RPS6KA1: variants seen among roughly 807,000 people sequenced by gnomAD.
The protein encoded by RPS6KA1 is ribosomal protein S6 kinase alpha-1.
A neutral mutation model predicts 91.3 loss-of-function variants in RPS6KA1; 48 were observed. That is an observed-to-expected ratio of 0.53 (90% CI 0.42 to 0.67). The LOEUF (loss-of-function observed/expected upper bound fraction) is 0.67. Among genes scored for constraint, RPS6KA1 ranks in the 30% least tolerant of loss-of-function variants. RPS6KA1 has a pLI of 0.00. For missense variants in RPS6KA1, 719 were observed against 960.5 expected, an observed-to-expected ratio of 0.75 and a Z score of 3.32; for synonymous variants, 359 against 384.7, an observed-to-expected ratio of 0.93 and a Z score of 0.78.
At chr1:26,533,845 C>T (rs147410395) in intron 1 of RPS6KA1, among the ~76,000 whole-genome samples, 2,789 of 152,266 alleles carry the variant, frequency 0.018, 37 homozygotes, top group Non-Finnish European at 0.029. Context: ...AGCAGTCAGG[C>T]CAGAGGGGCA....
At chr1:26,542,364 G>A (rs2124621507) in intron 2 of RPS6KA1, among the ~76,000 whole-genome samples, 1 of 152,360 alleles carries the variant, frequency 6.6e-6, no homozygotes, top group Middle Eastern at 3.4e-3. Flanking sequence ...ACTCTGCAAG[G>A]ACAGGGAAGG....
Position 26,554,775 on chromosome 1 carries a change from G to A in RPS6KA1, c.756+37G>A. ...GACAGGGGTAAAGGATCCAGCCCAA[G>A]CCTCTGGCCTCAGTCTCCCTATCTG... On this transcript the variant is annotated intron_variant, in intron 9 of 21. Coordinates refer to ENST00000374168, the MANE Select transcript of RPS6KA1 (RefSeq NM_002953.4). This position sits in a 1 kb window ranked among gnomAD's most constrained non-coding sequence, Gnocchi z 4.6. 3 of 1,567,568 alleles carry A rather than the reference G, an allele frequency of 1.9e-6. No individual in the cohort carries two copies. The highest frequency in any genetic ancestry group is 2.6e-6 in the Non-Finnish European group (3 of 1,150,916).
chr1:26,532,737 C>T (rs2075877360), intron 1 of RPS6KA1, among the ~76,000 whole-genome samples: 1 of 152,330 alleles, frequency 6.6e-6, no homozygotes, highest in Middle Eastern at 3.4e-3. Context: ...CTGCCCTGGG[C>T]CCCTCTTTCT....
At chr1:26,539,671 C>CGGGATTT (rs967999632) in intron 2 of RPS6KA1, among the ~76,000 whole-genome samples, 3 of 152,158 alleles carry the variant, frequency 2.0e-5, no homozygotes, top group African/African-American at 4.8e-5. Context: ...AGGCAGAAAG[C>CGGGATTT]GGGATTTGGG....
chr1:26,530,695 G>T, intron 1 of RPS6KA1: 1 of 1,241,922 alleles, frequency 8.1e-7, no homozygotes, highest in Non-Finnish European at 1.0e-6. Flanking sequence ...TGGGGAGTTT[G>T]GCTTCTGCCA....
chr1:26,554,291 G>C lies in RPS6KA1; in HGVS notation c.613+40G>C. 6.5e-7 allele frequency: 1 copy of C among 1,547,332 alleles called. No individual in the cohort carries two copies. The highest frequency in any genetic ancestry group is 2.0e-5 in the Admixed American group (1 of 51,066). On this transcript the variant is annotated intron_variant, in intron 8 of 21. Transcript: ENST00000374168. This position sits in a 1 kb window ranked among gnomAD's most constrained non-coding sequence, Gnocchi z 4.6. ...CCTGCCCCCTCGGGACCCAGGGGAG[G>C]ACAGGACAAGGTCATGATAGGTCTC... is the stretch of plus-strand genomic sequence containing the variant.
intron 2 of RPS6KA1, chr1:26,544,102 C>T: frequency 2.2e-6 from 1 of 456,292 alleles, no homozygotes; most frequent in South Asian, 1.5e-5. Flanking sequence ...CACAGCTCTG[C>T]CCTTAACCCC....
rs2076091712 is a variant in RPS6KA1, at chr1:26,555,454, G to A, written c.828-83G>A. ...TGGATGGCTTGTCTAGACTGAGCTGGGAACTAGATCTGGACAGGGGCCGGG... is the reference window on the plus strand; with the variant it reads ...TGGATGGCTTGTCTAGACTGAGCTGAGAACTAGATCTGGACAGGGGCCGGG... On this transcript the variant is annotated intron_variant, in intron 10 of 21. Transcript: ENST00000374168. The surrounding 1 kb of genome is among the most constrained non-coding windows in gnomAD (Gnocchi z 4.3). 3.0e-6 allele frequency: 4 copies of A among 1,354,044 alleles called. No homozygotes were observed. The highest frequency in any genetic ancestry group is 4.1e-6 in the Non-Finnish European group (4 of 969,626). 83.9% of individuals were successfully genotyped at this position (1,354,044 alleles called of 1,614,324 possible). A position where few individuals can be genotyped will look rare whatever the true frequency, so the allele number is the denominator to read the frequency against.
intron 1 of RPS6KA1, chr1:26,530,827 C>A (rs1216644872): frequency 7.8e-7 from 1 of 1,288,578 alleles, no homozygotes; most frequent in Non-Finnish European, 1.0e-6. Context: ...TGCCTTTTGA[C>A]CCCAGGGTCA....
At chr1:26,562,104 T>C (rs1379640110) in intron 17 of RPS6KA1, among the ~76,000 whole-genome samples, 3 of 152,114 alleles carry the variant, frequency 2.0e-5, no homozygotes, top group African/African-American at 7.2e-5. Flanking sequence ...CTTGGGAGGC[T>C]GAGGCAGAAG....
chr1:26,559,024 CATACCCTCATG>C, intron 14 of RPS6KA1, 87 bp downstream of exon 14: 1 of 1,492,470 alleles, frequency 6.7e-7, no homozygotes, highest in East Asian at 2.3e-5. Context: ...GAACCAGGTT[CATACCCTCATG>C]CCACTGTGGG....
chr1:26,536,962 C>A lies in RPS6KA1; in HGVS notation c.101C>A (p.Pro34Gln). The A allele has an allele frequency of 6.2e-7, 1 of 1,614,116 alleles. No individual in the cohort carries two copies. Among genetic ancestry groups the A allele is most frequent in the South Asian group, 1.1e-5 (1 of 91,078 alleles). Reference sequence around the variant, plus strand: ...TCAGGGGAAGAAGCTGGACTTCAGCCGTCCAAGGTGAGGACCATGGCCAGC... The same window carrying A: ...TCAGGGGAAGAAGCTGGACTTCAGCAGTCCAAGGTGAGGACCATGGCCAGC... ...QTSGEEAGLQ[P>Q]SKDEGVLKEI... Residue 34 changes from proline (P) to glutamine (Q), a missense_variant, in exon 2 of 22, where the codon CCG becomes CAG. Around this residue, in one of 5 missense-constraint regions of RPS6KA1, gnomAD observed 57 missense variants for 55.8 expected, o/e 1.02. Transcript: ENST00000374168.
chr1:26,556,499 T>A (rs1399804350), intron 11 of RPS6KA1, among the ~76,000 whole-genome samples, 155 bp from the exon 12 acceptor site: 2 of 152,130 alleles, frequency 1.3e-5, no homozygotes, highest in Non-Finnish European at 2.9e-5. Context: ...TGACAGGCCT[T>A]AGGGTGATGG....
Position 26,547,422 on chromosome 1 carries a change from C to T in RPS6KA1, c.307+152C>T. 1.6e-6 allele frequency: 1 copy of T among 637,102 alleles called. No individual in the cohort carries two copies. Among genetic ancestry groups the T allele is most frequent in the Non-Finnish European group, 2.8e-6 (1 of 360,330 alleles). The allele number at this position is 637,102 out of a possible 1,614,324, so 39.5% of individuals were successfully genotyped here. A position where few individuals can be genotyped will look rare whatever the true frequency, so the allele number is the denominator to read the frequency against. ...AAACAGGCCTATTTCTCAGCTATCC[C>T]TCGCCAGCCAATCCTCCTCCCCCTA... On this transcript the variant is annotated intron_variant, in intron 4 of 21. Coordinates refer to ENST00000374168, the MANE Select transcript of RPS6KA1 (RefSeq NM_002953.4). The surrounding 1 kb of genome is among the most constrained non-coding windows in gnomAD (Gnocchi z 4.1).
intron 17 of RPS6KA1, among the ~76,000 whole-genome samples, chr1:26,568,199 G>T (rs539308815): frequency 6.6e-6 from 1 of 152,298 alleles, no homozygotes; most frequent in African/African-American, 2.4e-5. Context: ...CTGCTTGGAG[G>T]TTCCCACTCT....
chr1:26,545,858 A>C, intron 2 of RPS6KA1: 1 of 1,533,594 alleles, frequency 6.5e-7, no homozygotes, highest in Non-Finnish European at 8.8e-7. Context: ...GCAGCCCCGG[A>C]CTCTGCCTGC....
At chr1:26,549,690 C>CT (rs561375723) in intron 4 of RPS6KA1, among the ~76,000 whole-genome samples, 1,205 of 101,970 alleles carry the variant, frequency 0.012, 16 homozygotes, top group Non-Finnish European at 0.019. Context: ...AAAGCCTGTT[C>CT]TTTTTTTTTT....
rs909560353 is a variant in RPS6KA1, at chr1:26,561,022, C to A, written c.1342-23C>A. 5 of 1,609,434 alleles carry A rather than the reference C, an allele frequency of 3.1e-6. No homozygotes were observed. In the African/African-American group the frequency reaches 6.7e-5, roughly 22 times the overall value. On this transcript the variant is annotated intron_variant, in intron 15 of 21. Transcript: ENST00000374168. The surrounding 1 kb of genome is among the most constrained non-coding windows in gnomAD (Gnocchi z 5.7). ...CCTGGACCCTGTCACCCTGACACTG[C>A]CACATGCACCCCCTTTCTTCAGGTC...
At chr1:26,568,773 AAAAG>A (rs1369693527) in intron 17 of RPS6KA1, among the ~76,000 whole-genome samples, 1 of 152,180 alleles carries the variant, frequency 6.6e-6, no homozygotes, top group African/African-American at 2.4e-5. Context: ...TAATTTAAAA[AAAAG>A]GTCAACTTCC....
Sources: gnomAD v4.1 joint callset for allele counts (sites outside exome capture counted in the v4.1 genomes callset) on GRCh38, gnomAD v4.1.1 for gene constraint, gnomAD v4.1.1 regional missense constraint, Gnocchi (gnomAD v3.1) non-coding constraint, MANE v1.5 for transcripts, NCBI Gene and HGNC (gene_info 2026-07-23, HGNC 2026-07-21) for gene names.